TADA1: variants seen among roughly 807,000 people sequenced by gnomAD.
The protein encoded by TADA1 is transcriptional adaptor 1, also known as transcriptional adapter 1.
Under a neutral mutation model 39.3 loss-of-function variants are expected in TADA1, and 23 were observed. The ratio of observed to expected loss-of-function variants is 0.58; its 90% CI spans 0.42 to 0.83. TADA1 has a LOEUF of 0.83. Ranked by LOEUF, TADA1 falls within the 40% of genes least tolerant of loss-of-function variation. TADA1 has a pLI of 0.00. For synonymous variants in TADA1, 137 were observed against 151.8 expected (o/e 0.90, Z 0.72); for missense variants, 352 against 408.1 (o/e 0.86, Z 1.18).
At chr1:166,876,034 C>G (rs1056169153) in intron 1 of TADA1, 126 bp downstream of exon 1, 3 of 917,436 alleles carry the variant, frequency 3.3e-6, no homozygotes, top group African/African-American at 1.8e-5. Context: ...CCCGAAGCCC[C>G]GCCGCCGCGG....
At chr1:166,868,310 C>T (rs1658579054) in intron 3 of TADA1, among the ~76,000 whole-genome samples, 1 of 152,180 alleles carries the variant, frequency 6.6e-6, no homozygotes, top group South Asian at 2.1e-4. Context: ...CTATCCCCTA[C>T]CTCTTGTTAT....
intron 4 of TADA1, chr1:166,862,708 A>G (rs2049909): frequency 0.84 from 345,427 of 410,282 alleles, 147,042 homozygotes; most frequent in East Asian, 1. Flanking sequence ...AATAACTGAA[A>G]GAGAAGGAGA....
intron 3 of TADA1, among the ~76,000 whole-genome samples, chr1:166,865,620 T>C (rs1281786552): frequency 6.6e-6 from 1 of 151,986 alleles, no homozygotes; most frequent in Non-Finnish European, 1.5e-5. Flanking sequence ...AAGACCATCC[T>C]GGCTAACATG....
At chr1:166,867,319 A>T (rs1294267949) in intron 3 of TADA1, among the ~76,000 whole-genome samples, 3 of 152,182 alleles carry the variant, frequency 2.0e-5, no homozygotes, top group Non-Finnish European at 4.4e-5. Flanking sequence ...GGCTTTTCTG[A>T]TCAAATTAAA....
At chr1:166,869,399 G>C (rs750300752) in intron 3 of TADA1, 46 bp downstream of exon 3, 10 of 1,512,242 alleles carry the variant, frequency 6.6e-6, no homozygotes, top group East Asian at 4.6e-5. Context: ...CTAAAGTCTA[G>C]TGCTTTGCTG....
At chr1:166,870,674 CA>C (rs1455548412) in intron 1 of TADA1, among the ~76,000 whole-genome samples, 2 of 152,234 alleles carry the variant, frequency 1.3e-5, no homozygotes, top group South Asian at 2.1e-4. Flanking sequence ...ACAAAAAATA[CA>C]AAACTTAGCT....
At chr1:166,873,668 A>C (rs1408369114) in intron 1 of TADA1, among the ~76,000 whole-genome samples, 1 of 152,208 alleles carries the variant, frequency 6.6e-6, no homozygotes, top group Non-Finnish European at 1.5e-5. Context: ...CAATGAGAGA[A>C]TGGAAAAACA....
intron 3 of TADA1, among the ~76,000 whole-genome samples, chr1:166,864,136 G>A (rs978629355): frequency 3.3e-5 from 5 of 152,010 alleles, no homozygotes; most frequent in Non-Finnish European, 7.4e-5. Flanking sequence ...ATTTTTTTAG[G>A]AAGACAAATT....
chr1:166,859,256 C>CTACA (rs1226821066), intron 6 of TADA1, among the ~76,000 whole-genome samples: 2 of 152,134 alleles, frequency 1.3e-5, no homozygotes, highest in Admixed American at 6.5e-5. Context: ...GCTTTCCCAC[C>CTACA]TACACCTCCT....
In TADA1 at chr1:166,876,223, A is replaced by T. The variant is rs903780388; in HGVS notation, c.11T>A (p.Phe4Tyr). The change falls in exon 1 of 8, where the codon TTT (phenylalanine) becomes TAT (tyrosine). Residue 4 changes from phenylalanine (F) to tyrosine (Y), a missense_variant. Around this residue, in one of 3 missense-constraint regions of TADA1, gnomAD observed 31 missense variants for 25.1 expected, o/e 1.23. Transcript: ENST00000367874. ...CTTGGCCGCCTCCAGCTCGCTCACA[A>T]AGGTCGCCATTGCTCCGCGTGTCTC... MAT[F>Y]VSELEAAKKN... The T allele has an allele frequency of 5.0e-6, 8 of 1,613,188 alleles. No homozygotes were observed. The African/African-American group carries it at 8.0e-5, about 16-fold the overall frequency.
intron 7 of TADA1, 111 bp downstream of exon 7, chr1:166,858,007 CT>C: frequency 7.3e-7 from 1 of 1,365,442 alleles, no homozygotes; most frequent in Non-Finnish European, 1.0e-6. Flanking sequence ...ACAGACAAAA[CT>C]GAAAAACACA....
chr1:166,865,639 CT>C (rs1658512986), intron 3 of TADA1, among the ~76,000 whole-genome samples: 1 of 151,836 alleles, frequency 6.6e-6, no homozygotes, highest in South Asian at 2.1e-4. Flanking sequence ...TGGTGAAACC[CT>C]GTCTCTACTA....
chr1:166,875,857 C>T (rs566949374), intron 1 of TADA1, among the ~76,000 whole-genome samples: 24 of 152,346 alleles, frequency 1.6e-4, no homozygotes, highest in Non-Finnish European at 3.2e-4. Flanking sequence ...GCGCTGGGGC[C>T]CGCACCTGCT....
At chr1:166,873,183 A>G (rs1244826653) in intron 1 of TADA1, among the ~76,000 whole-genome samples, 1 of 152,108 alleles carries the variant, frequency 6.6e-6, no homozygotes, top group Non-Finnish European at 1.5e-5. Flanking sequence ...ATGCAGGACA[A>G]TCACTTGAGC....
At chr1:166,873,730 T>G (rs1435673062) in intron 1 of TADA1, among the ~76,000 whole-genome samples, 1 of 152,216 alleles carries the variant, frequency 6.6e-6, no homozygotes, top group Non-Finnish European at 1.5e-5. Context: ...AAATCTCTTT[T>G]GATTGCATTT....
At chr1:166,874,675 G>T (rs1310007564) in intron 1 of TADA1, among the ~76,000 whole-genome samples, 2 of 152,066 alleles carry the variant, frequency 1.3e-5, no homozygotes, top group Non-Finnish European at 2.9e-5. Flanking sequence ...CCAGTTATAG[G>T]CTCACAGCAG....
Position 166,856,573 on chromosome 1 carries a change from T to G in TADA1, c.*994A>C, listed in dbSNP as rs1195431159. The stretch of plus-strand genomic sequence containing the variant: ...AAAATCAAATACACAGATCCAGATA[T>G]GTGAACCATATATACATATCTATAC... On this transcript the variant is annotated 3_prime_UTR_variant, in exon 8 of 8. Transcript: ENST00000367874. The G allele has an allele frequency of 6.8e-6, 1 of 147,662 alleles. No homozygotes were observed. The highest frequency in any genetic ancestry group is 6.8e-5 in the Admixed American group (1 of 14,670). 9.1% of individuals were successfully genotyped at this position (147,662 alleles called of 1,614,324 possible).
intron 1 of TADA1, among the ~76,000 whole-genome samples, chr1:166,874,339 CAA>C (rs111691349): frequency 8.1e-6 from 1 of 123,782 alleles, no homozygotes; most frequent in African/African-American, 2.9e-5. Flanking sequence ...GACTCCATCT[CAA>C]AAAAAAAAAA....
At chr1:166,869,270 C>G in intron 3 of TADA1, 175 bp downstream of exon 3, 1 of 522,602 alleles carries the variant, frequency 1.9e-6, no homozygotes, top group Non-Finnish European at 3.4e-6. Flanking sequence ...TAAAGAGTTT[C>G]TGCTTTAAAA....
Sources: allele counts gnomAD v4.1 joint callset (sites outside exome capture counted in the v4.1 genomes callset), GRCh38; gene constraint gnomAD v4.1.1; regional missense constraint gnomAD v4.1.1; transcripts MANE v1.5; gene names NCBI Gene and HGNC (gene_info 2026-07-23, HGNC 2026-07-21).